The following LARGE1 variants were observed in gnomAD, a reference collection of about 807,000 sequenced individuals.
LARGE1 encodes xylosyl- and glucuronyltransferase LARGE1.
A neutral mutation model predicts 87.6 loss-of-function variants in LARGE1; 43 were observed. That is an observed-to-expected ratio of 0.49 (90% CI 0.38 to 0.63). LARGE1 has a LOEUF of 0.63. Among genes scored for constraint, LARGE1 ranks in the 30% least tolerant of loss-of-function variants. LARGE1 has a pLI of 0.00. For synonymous variants in LARGE1, 434 were observed against 394.6 expected, an observed-to-expected ratio of 1.10 and a Z score of -1.18; for missense variants, 802 against 1,000.2, an observed-to-expected ratio of 0.80 and a Z score of 2.67.
At chr22:33,829,821 G>C (rs941467914) in intron 1 of LARGE1, among the ~76,000 whole-genome samples, 1 of 152,054 alleles carries the variant, frequency 6.6e-6, no homozygotes, top group Admixed American at 6.6e-5. Context: ...AGTGATCCAG[G>C]GGGACAGGTC....
chr22:33,594,966 T>C (rs560405805), intron 5 of LARGE1, among the ~76,000 whole-genome samples: 1 of 152,288 alleles, frequency 6.6e-6, no homozygotes, highest in East Asian at 1.9e-4. Context: ...GAGATAGCAC[T>C]GCAGGGAAGG....
chr22:33,108,721 T>C, the LARGE1 span: 10 of 152,234 alleles, frequency 6.6e-5, no homozygotes, highest in South Asian at 2.1e-3. Flanking sequence ...ATAGTAATAA[T>C]AATAATTACT....
At chr22:33,590,513 A>G (rs1158914538) in intron 5 of LARGE1, among the ~76,000 whole-genome samples, 1 of 152,214 alleles carries the variant, frequency 6.6e-6, no homozygotes, top group Non-Finnish European at 1.5e-5. Context: ...GTCACTTTAT[A>G]AAACAATTTG....
intron 6 of LARGE1, among the ~76,000 whole-genome samples, chr22:33,489,731 G>C (rs914526737): frequency 6.6e-6 from 1 of 152,084 alleles, no homozygotes; most frequent in Non-Finnish European, 1.5e-5. Flanking sequence ...ACCCAGTCTC[G>C]GGTGTGTCGT....
chr22:33,596,596 T>C (rs1182585040), intron 5 of LARGE1, among the ~76,000 whole-genome samples: 1 of 152,186 alleles, frequency 6.6e-6, no homozygotes, highest in African/African-American at 2.4e-5. Context: ...AAGAAGAGCA[T>C]ACATCCATCA....
chr22:33,414,520 C>G (rs532615287), intron 7 of LARGE1, among the ~76,000 whole-genome samples: 60 of 152,204 alleles, frequency 3.9e-4, no homozygotes, highest in Non-Finnish European at 7.1e-4. Context: ...ACGTAGCTAA[C>G]AAAGGGGTTG....
chr22:33,678,017 A>C (rs959983336), intron 2 of LARGE1, among the ~76,000 whole-genome samples: 1 of 152,222 alleles, frequency 6.6e-6, no homozygotes, highest in African/African-American at 2.4e-5. Flanking sequence ...GGGATCTACA[A>C]TATGAGAAAA....
intron 2 of LARGE1, among the ~76,000 whole-genome samples, chr22:33,653,176 T>C (rs916415795): frequency 2.6e-5 from 4 of 152,218 alleles, no homozygotes; most frequent in African/African-American, 9.6e-5. Context: ...CCTTCTGTAG[T>C]GTCTATCATG....
chr22:33,206,398 C>G (rs1031253719), intron 11 of LARGE1, among the ~76,000 whole-genome samples: 5 of 152,128 alleles, frequency 3.3e-5, no homozygotes, highest in South Asian at 4.1e-4. Context: ...GACCAAATTG[C>G]ATGACTTTTT....
intron 2 of LARGE1, among the ~76,000 whole-genome samples, chr22:33,706,076 G>A (rs1037696014): frequency 1.3e-5 from 2 of 152,218 alleles, no homozygotes; most frequent in African/African-American, 2.4e-5. Context: ...CCCGGTGGGC[G>A]ACAAGAAAGA....
At chr22:33,915,727 C>G (rs2146986353) in intron 1 of LARGE1, among the ~76,000 whole-genome samples, 1 of 152,296 alleles carries the variant, frequency 6.6e-6, no homozygotes, top group African/African-American at 2.4e-5. Context: ...TATTTGAATA[C>G]ACAGAGCAAG....
the LARGE1 span, among the ~76,000 whole-genome samples, chr22:33,143,294 T>C: frequency 2.0e-5 from 3 of 152,170 alleles, no homozygotes; most frequent in East Asian, 5.8e-4. Context: ...CTTTCCTTAA[T>C]ATATTTGAGA....
In LARGE1 at chr22:33,391,717, T is replaced by G. The variant is rs538635348; in HGVS notation, c.893-7413A>C. Reference sequence around the variant, plus strand: ...GTTGTCTAGCATGGGTGAAAACATTTGTCTTTGCTCATAAATCTATAATTA... The same window carrying G: ...GTTGTCTAGCATGGGTGAAAACATTGGTCTTTGCTCATAAATCTATAATTA... On this transcript the variant is annotated intron_variant, in intron 7 of 14. Coordinates refer to ENST00000397394, the MANE Select transcript of LARGE1 (RefSeq NM_133642.5). Among the ~76,000 whole-genome samples, 14 of 152,024 alleles carry G rather than the reference T, an allele frequency of 9.2e-5. No homozygotes were observed. The East Asian group carries it at 2.3e-3, about 25-fold the overall frequency.
At chr22:33,285,663 A>T (rs1931394066) in intron 12 of LARGE1, among the ~76,000 whole-genome samples, 1 of 151,994 alleles carries the variant, frequency 6.6e-6, no homozygotes, top group South Asian at 2.1e-4. Context: ...CTTGTCCTCC[A>T]TTGCTGTATT....
intron 6 of LARGE1, among the ~76,000 whole-genome samples, chr22:33,496,091 C>A (rs770282291): frequency 6.6e-6 from 1 of 152,150 alleles, no homozygotes; most frequent in Non-Finnish European, 1.5e-5. Flanking sequence ...AGCTGAAGAA[C>A]TTGGAGTCCA....
At chr22:33,690,056 C>T (rs753160445) in intron 2 of LARGE1, among the ~76,000 whole-genome samples, 2 of 152,214 alleles carry the variant, frequency 1.3e-5, no homozygotes, top group African/African-American at 2.4e-5. Flanking sequence ...CTCCATTCCT[C>T]TCATGCTGGC....
At chr22:33,127,299 C>T in the LARGE1 span, among the ~76,000 whole-genome samples, 8 of 151,464 alleles carry the variant, frequency 5.3e-5, no homozygotes, top group Admixed American at 1.3e-4. Context: ...TTAAGAAAAA[C>T]GTTCCCTTCT....
chr22:33,687,714 C>G (rs891945342), intron 2 of LARGE1, among the ~76,000 whole-genome samples: 1 of 152,006 alleles, frequency 6.6e-6, no homozygotes, highest in Non-Finnish European at 1.5e-5. Context: ...GAGGAGCGCT[C>G]GGGACCGATG....
At chr22:33,682,722 T>C (rs910047665) in intron 2 of LARGE1, among the ~76,000 whole-genome samples, 1 of 152,218 alleles carries the variant, frequency 6.6e-6, no homozygotes, top group Admixed American at 6.5e-5. Flanking sequence ...GTGGCTGGCA[T>C]AGAGTAAAAA....
Sources: gnomAD v4.1 joint callset for allele counts (sites outside exome capture counted in the v4.1 genomes callset) on GRCh38, gnomAD v4.1.1 for gene constraint, MANE v1.5 for transcripts, NCBI Gene and HGNC (gene_info 2026-07-23, HGNC 2026-07-21) for gene names.